The following NHLRC3 variants were observed in gnomAD, a reference collection of about 807,000 sequenced individuals.
The protein encoded by NHLRC3 is NHL repeat-containing protein 3.
In NHLRC3, 23 loss-of-function variants were observed where a neutral mutation model predicts 32.0. The ratio of observed to expected loss-of-function variants is 0.72; its 90% CI spans 0.52 to 1.02. The LOEUF (loss-of-function observed/expected upper bound fraction) is 1.02. Ranked by LOEUF, NHLRC3 falls within the 50% of genes least tolerant of loss-of-function variation. NHLRC3 has a pLI of 0.00. For synonymous variants in NHLRC3, 159 were observed against 147.9 expected (o/e 1.08, Z -0.55); for missense variants, 407 against 406.8 (o/e 1.00, Z -0.01).
In NHLRC3 at chr13:39,042,229, T is replaced by A; in HGVS notation, c.510T>A (p.Tyr170Ter). ...AGTTTGATAACCCAGCAGAATTATA[T>A]GTAGAGGACACAGGAGATATTTACA... The part of the protein sequence containing the change: ...PLQFDNPAEL[Y>*]VEDTGDIYIV... The change falls in exon 4 of 7, where the codon TAT becomes TAA. Residue 170 changes from tyrosine (Y) to a stop codon, truncating the protein, a stop_gained. Transcript: ENST00000379600. LOFTEE classifies it high-confidence loss of function. 1 of 1,611,658 alleles carries A rather than the reference T, an allele frequency of 6.2e-7. No homozygotes were observed. Among genetic ancestry groups the A allele is most frequent in the Non-Finnish European group, 8.5e-7 (1 of 1,177,858 alleles).
upstream of NHLRC3, chr13:39,038,360 G>A (rs1255305315): frequency 4.0e-6 from 2 of 498,076 alleles, no homozygotes; most frequent in African/African-American, 3.9e-5. Context: ...CCTGAGGGCG[G>A]GAAAGGGTGG....
chr13:39,047,341 A>G (rs1447748350), intron 6 of NHLRC3, among the ~76,000 whole-genome samples, 189 bp downstream of exon 6: 5 of 152,242 alleles, frequency 3.3e-5, no homozygotes, highest in African/African-American at 1.2e-4. Flanking sequence ...GAAATAACAT[A>G]TGCTAGACCT....
chr13:39,039,265 A>G lies in NHLRC3; in HGVS notation c.214A>G (p.Asn72Asp). The G allele has an allele frequency of 6.2e-7, 1 of 1,614,040 alleles. No individual in the cohort carries two copies. Among genetic ancestry groups the G allele is most frequent in the African/African-American group, 1.3e-5 (1 of 75,050 alleles). Residue 72 changes from asparagine (N) to aspartate (D), a missense_variant, in exon 2 of 7, where the codon AAT becomes GAT. Asn to Asp is a conservative substitution (Grantham distance 23). Coordinates refer to ENST00000379600, the MANE Select transcript of NHLRC3 (RefSeq NM_001012754.4). The part of the protein sequence containing the change: ...TTFCVAVDSL[N>D]GLVYIGQRGD... Reference sequence around the variant, plus strand: ...ATTTTGTGTTGCAGTTGACTCCCTCAATGGATTGGTTTACATAGGTCAAGT... The same window carrying G: ...ATTTTGTGTTGCAGTTGACTCCCTCGATGGATTGGTTTACATAGGTCAAGT...
intron 3 of NHLRC3, 153 bp from the exon 4 acceptor site, chr13:39,041,952 G>C: frequency 1.8e-6 from 1 of 564,810 alleles, no homozygotes; most frequent in Non-Finnish European, 3.1e-6. Flanking sequence ...TTACGAAGAA[G>C]CTATAGTGCT....
Position 39,044,177 on chromosome 13 carries a change from G to A in NHLRC3, c.674G>A (p.Gly225Asp). ...IPHSVTLDSA[G>D]RVWVADRGNK... Reference sequence around the variant, plus strand: ...CACAGTGTTACACTTGATTCAGCTGGTCGGGTACAAATACAGCGTCATTGT... The same window carrying A: ...CACAGTGTTACACTTGATTCAGCTGATCGGGTACAAATACAGCGTCATTGT... Residue 225 changes from glycine (G) to aspartate (D), a missense_variant, in exon 5 of 7, where the codon GGT becomes GAT. Physicochemically the swap from Gly to Asp is moderately conservative, Grantham distance 94. Transcript: ENST00000379600. 1.2e-6 allele frequency: 2 copies of A among 1,609,076 alleles called. No homozygotes were observed. Among genetic ancestry groups the A allele is most frequent in the South Asian group, 1.1e-5 (1 of 90,982 alleles).
At chr13:39,046,995 C>T (rs1305325230) in intron 5 of NHLRC3, 45 bp from the exon 6 acceptor site, 6 of 1,154,836 alleles carry the variant, frequency 5.2e-6, no homozygotes, top group South Asian at 3.8e-5. Context: ...TCCCTTTTTT[C>T]TTCTCATGGA....
At chr13:39,046,984 T>C in intron 5 of NHLRC3, 56 bp from the exon 6 acceptor site, 1 of 1,074,342 alleles carries the variant, frequency 9.3e-7, no homozygotes, top group South Asian at 1.3e-5. Flanking sequence ...AAACATTCTT[T>C]TCCCTTTTTT....
Position 39,047,734 on chromosome 13 carries a change from C to T in NHLRC3, c.852C>T (p.Val284=), listed in dbSNP as rs372525607. The change falls in exon 7 of 7, where the codon GTC becomes GTT. Residue 284 remains valine (V), a synonymous_variant. Coordinates refer to ENST00000379600, the MANE Select transcript of NHLRC3 (RefSeq NM_001012754.4). ...AGCTGAATCTTAGCAGGCTCTCAGT[C>T]GTAGCAGCACCCCCAGTGGGAAGCA... ...VAQLNLSRLS[V]VAAPPVGSIG... The T allele has an allele frequency of 1.3e-4, 206 of 1,613,916 alleles. No individual in the cohort carries two copies. The highest frequency in any genetic ancestry group is 1.6e-4 in the Non-Finnish European group (188 of 1,179,854).
chr13:39,047,747 C>G lies in NHLRC3; in HGVS notation c.865C>G (p.Pro289Ala), dbSNP rs202177861. The G allele has an allele frequency of 1.5e-5, 24 of 1,614,094 alleles. No homozygotes were observed. The highest frequency in any genetic ancestry group is 1.6e-4 in the Middle Eastern group (1 of 6,062). ...CAGGCTCTCAGTCGTAGCAGCACCC[C>G]CAGTGGGAAGCATTGGGGAGTGTTC... ...LSRLSVVAAP[P>A]VGSIGECSVI... Residue 289 changes from proline to alanine, a missense_variant, in exon 7 of 7, where the codon CCA (proline) becomes GCA (alanine). Pro to Ala is a conservative substitution (Grantham distance 27). Transcript: ENST00000379600.
At chr13:39,038,325 A>G (rs1871272878), upstream of NHLRC3, 1 of 403,052 alleles carries the variant, frequency 2.5e-6, no homozygotes, top group Non-Finnish European at 4.5e-6. Context: ...TTTGGTGGCC[A>G]CTGAAAGTCA....
rs978533831 is a variant in NHLRC3, at chr13:39,038,562, A to G, written c.-78A>G. 1 of 1,273,084 alleles carries G rather than the reference A, an allele frequency of 7.9e-7. No individual in the cohort carries two copies. The highest frequency in any genetic ancestry group is 1.2e-6 in the Non-Finnish European group (1 of 869,316). 78.9% of individuals were successfully genotyped at this position (1,273,084 alleles called of 1,614,324 possible). ...CCGGGCAGACCCTCTGTGCCGCTGCAAACCGTTGCAGCCTGAGGCTGTCAG... is the reference window on the plus strand; with the variant it reads ...CCGGGCAGACCCTCTGTGCCGCTGCGAACCGTTGCAGCCTGAGGCTGTCAG... On this transcript the variant is annotated 5_prime_UTR_variant, in exon 1 of 7. Transcript: ENST00000379600.
intron 5 of NHLRC3, 82 bp downstream of exon 5, chr13:39,044,263 G>GTGTGTGTA (rs1871582220): frequency 1.1e-6 from 1 of 935,698 alleles, no homozygotes; most frequent in African/African-American, 1.6e-5. Context: ...GTGTGTGTGT[G>GTGTGTGTA]TGTGTCTGGG....
At chr13:39,046,868 C>T (rs986388938) in intron 5 of NHLRC3, among the ~76,000 whole-genome samples, 172 bp from the exon 6 acceptor site, 1 of 152,220 alleles carries the variant, frequency 6.6e-6, no homozygotes, top group East Asian at 1.9e-4. Context: ...ACTTCAGAGA[C>T]GGCAACCTTT....
chr13:39,046,865 A>T (rs1258978152), intron 5 of NHLRC3, among the ~76,000 whole-genome samples, 175 bp from the exon 6 acceptor site: 1 of 152,232 alleles, frequency 6.6e-6, no homozygotes, highest in Non-Finnish European at 1.5e-5. Flanking sequence ...CTCACTTCAG[A>T]GACGGCAACC....
At chr13:39,039,868 T>A (rs1871387715) in intron 3 of NHLRC3, 157 bp downstream of exon 3, 5 of 585,990 alleles carry the variant, frequency 8.5e-6, no homozygotes, top group African/African-American at 1.9e-5. Context: ...ATTTTGTACT[T>A]CTGTGGAATT....
intron 3 of NHLRC3, chr13:39,040,524 G>GA (rs1566032714): frequency 6.6e-6 from 1 of 152,132 alleles, no homozygotes. Context: ...ATTTTTAGTA[G>GA]AAAAAGCTGA....
At chr13:39,042,654 G>A (rs902239853) in intron 4 of NHLRC3, among the ~76,000 whole-genome samples, 7 of 152,208 alleles carry the variant, frequency 4.6e-5, no homozygotes, top group Non-Finnish European at 8.8e-5. Flanking sequence ...TGATTAATCA[G>A]CAAGCATTTT....
chr13:39,042,203 CA>C lies in NHLRC3; in HGVS notation c.485del (p.Gln162ArgfsTer10). On this transcript the variant is annotated frameshift_variant, in exon 4 of 7. Coordinates refer to ENST00000379600, the MANE Select transcript of NHLRC3 (RefSeq NM_001012754.4). LOFTEE classifies it high-confidence loss of function. ...AAAAGGCACTAGTTTGAATCCTTTG[CA>C]GTTTGATAACCCAGCAGAATTATAT... Reference protein sequence around the residue: ...GKKGTSLNPLQFDNPAELYVE... With the variant: ...GKKGTSLNPLXFDNPAELYVE... 2 of 1,609,588 alleles carry C rather than the reference CA, an allele frequency of 1.2e-6. No homozygotes were observed. The highest frequency in any genetic ancestry group is 1.7e-6 in the Non-Finnish European group (2 of 1,176,018).
intron 4 of NHLRC3, among the ~76,000 whole-genome samples, chr13:39,043,427 C>T (rs910421208): frequency 2.6e-5 from 4 of 152,130 alleles, no homozygotes; most frequent in Non-Finnish European, 5.9e-5. Flanking sequence ...TCTGGTGGCT[C>T]AAGCATTCCT....
Sources: allele counts gnomAD v4.1 joint callset (sites outside exome capture counted in the v4.1 genomes callset), GRCh38; gene constraint gnomAD v4.1.1; transcripts MANE v1.5; gene names NCBI Gene and HGNC (gene_info 2026-07-23, HGNC 2026-07-21).